The following DCAF6 variants were observed in gnomAD, a reference collection of about 807,000 sequenced individuals.
The protein encoded by DCAF6 is DDB1- and CUL4-associated factor 6.
A neutral mutation model predicts 125.1 loss-of-function variants in DCAF6; 54 were observed. That is an observed-to-expected ratio of 0.43 (90% CI 0.35 to 0.54). The LOEUF is 0.54. Among genes scored for constraint, DCAF6 ranks in the 20% least tolerant of loss-of-function variants. The pLI is 0.01. For synonymous variants in DCAF6, 371 were observed against 390.4 expected (o/e 0.95, Z 0.58); for missense variants, 934 against 1,161.7 (o/e 0.80, Z 2.85).
intron 2 of DCAF6, among the ~76,000 whole-genome samples, chr1:167,961,854 A>G (rs1294223565): frequency 1.3e-5 from 2 of 152,186 alleles, no homozygotes; most frequent in African/African-American, 4.8e-5. Context: ...ATGCTGTAAA[A>G]TTTCCTCTGA....
At chr1:167,907,390 C>T in the DCAF6 span, among the ~76,000 whole-genome samples, 1 of 152,194 alleles carries the variant, frequency 6.6e-6, no homozygotes, top group Non-Finnish European at 1.5e-5. Context: ...CTACATGTCC[C>T]TTGTGGGTTG....
intron 12 of DCAF6, among the ~76,000 whole-genome samples, chr1:168,034,560 G>C (rs565269833): frequency 6.6e-6 from 1 of 152,110 alleles, no homozygotes; most frequent in African/African-American, 2.4e-5. Context: ...AAAAAATTAA[G>C]CTTATTGTTT....
At position 168,002,466 on chromosome 1, in the gene DCAF6, C is replaced by A; in HGVS notation, c.904-16C>A. 6.2e-7 allele frequency: 1 copy of A among 1,609,082 alleles called. No homozygotes were observed. Among genetic ancestry groups the A allele is most frequent in the Non-Finnish European group, 8.5e-7 (1 of 1,176,104 alleles). On this transcript the variant is annotated splice_polypyrimidine_tract_variant and intron_variant, in intron 7 of 21. Coordinates refer to ENST00000367840, the MANE Select transcript of DCAF6 (RefSeq NM_001198956.2). ...GTTTTAGACTTACATAGAATTTACC[C>A]GTTCTTATTTTTTAGTTGCGACAAC... is the stretch of plus-strand genomic sequence containing the variant.
chr1:167,995,912 T>C (rs1681608002), intron 7 of DCAF6, among the ~76,000 whole-genome samples: 1 of 152,122 alleles, frequency 6.6e-6, no homozygotes, highest in South Asian at 2.1e-4. Flanking sequence ...AAAGACATGA[T>C]CTCTTACTTA....
At chr1:167,907,734 T>C in the DCAF6 span, among the ~76,000 whole-genome samples, 1 of 152,234 alleles carries the variant, frequency 6.6e-6, no homozygotes, top group Non-Finnish European at 1.5e-5. Context: ...TTTCCTATTT[T>C]GGAAGAGTTA....
At chr1:168,012,773 A>G (rs552295677) in intron 10 of DCAF6, among the ~76,000 whole-genome samples, 1 of 152,204 alleles carries the variant, frequency 6.6e-6, no homozygotes, top group East Asian at 1.9e-4. Context: ...AGCAGCTTTC[A>G]AAGCAGATAA....
intron 4 of DCAF6, among the ~76,000 whole-genome samples, chr1:167,982,238 A>G (rs940514740): frequency 9.3e-5 from 14 of 151,258 alleles, no homozygotes; most frequent in African/African-American, 3.4e-4. Context: ...TGCTTGTTTA[A>G]TTTTTTAAGT....
the DCAF6 span, chr1:167,904,767 C>T: frequency 8.0e-6 from 5 of 628,360 alleles, no homozygotes; most frequent in East Asian, 1.4e-4. Context: ...GGGACTTGAG[C>T]ATGTTAAAGA....
intron 3 of DCAF6, chr1:167,968,438 A>G (rs182579754): frequency 1.3e-5 from 2 of 152,424 alleles, no homozygotes; most frequent in East Asian, 1.9e-4. Flanking sequence ...ATGTCATGCT[A>G]GTGTAACTTG....
chr1:167,992,283 A>AC (rs1491324846), intron 6 of DCAF6, among the ~76,000 whole-genome samples: 21 of 121,152 alleles, frequency 1.7e-4, no homozygotes, highest in Admixed American at 4.7e-4. Context: ...ACACACACAC[A>AC]AACACCGAAT....
chr1:167,970,751 A>G (rs529713899), intron 3 of DCAF6, among the ~76,000 whole-genome samples: 3 of 152,264 alleles, frequency 2.0e-5, no homozygotes, highest in Non-Finnish European at 4.4e-5. Context: ...TTATAGTTTG[A>G]TTATTTTTAG....
At chr1:168,050,739 A>G (rs1432142733) in intron 16 of DCAF6, among the ~76,000 whole-genome samples, 153 bp from the exon 17 acceptor site, 1 of 152,168 alleles carries the variant, frequency 6.6e-6, no homozygotes, top group East Asian at 1.9e-4. Context: ...TGACTGACAT[A>G]TTCCTTGCTT....
At chr1:167,916,475 C>T in the DCAF6 span, among the ~76,000 whole-genome samples, 147 of 151,974 alleles carry the variant, frequency 9.7e-4, no homozygotes, top group Middle Eastern at 6.8e-3. Flanking sequence ...CCAAAGTGCT[C>T]GGATTACAGG....
At position 167,938,503 on chromosome 1, in the gene DCAF6, G is replaced by C. The variant is rs149390365; in HGVS notation, c.97+1495G>C. Among the ~76,000 whole-genome samples the C allele has an allele frequency of 3.0e-3, 454 of 152,274 alleles. 2 individuals carry two copies. The highest frequency in any genetic ancestry group is 4.9e-3 in the Non-Finnish European group (335 of 68,030). On this transcript the variant is annotated intron_variant, in intron 1 of 21. Transcript: ENST00000367840. ...AATGAACATCATTCTACAAGCTTCTGTGCATTTGTTGTAGGATAAGTACCT... is the reference window on the plus strand; with the variant it reads ...AATGAACATCATTCTACAAGCTTCTCTGCATTTGTTGTAGGATAAGTACCT...
chr1:167,921,879 T>G, the DCAF6 span, among the ~76,000 whole-genome samples: 1 of 152,186 alleles, frequency 6.6e-6, no homozygotes, highest in East Asian at 1.9e-4. Flanking sequence ...ATCCTTTAGG[T>G]TAAAATAAAA....
At chr1:168,061,821 G>GA (rs558561000) in intron 17 of DCAF6, among the ~76,000 whole-genome samples, 6 of 151,934 alleles carry the variant, frequency 3.9e-5, no homozygotes, top group Admixed American at 2.0e-4. Flanking sequence ...AGCCACTTTG[G>GA]AAAACCACAA....
At chr1:167,885,803 AC>A in the DCAF6 span, among the ~76,000 whole-genome samples, 21 of 151,936 alleles carry the variant, frequency 1.4e-4, no homozygotes, top group Non-Finnish European at 7.4e-5. Context: ...TTTAGTAGAG[AC>A]GGGGTTTCAC....
intron 6 of DCAF6, among the ~76,000 whole-genome samples, chr1:167,992,140 A>C (rs773639274): frequency 4.0e-5 from 6 of 151,470 alleles, no homozygotes; most frequent in Non-Finnish European, 5.9e-5. Context: ...ATTTGAATCT[A>C]ATATAAACTA....
the DCAF6 span, among the ~76,000 whole-genome samples, chr1:167,906,296 A>C: frequency 1.3e-5 from 2 of 152,118 alleles, no homozygotes; most frequent in African/African-American, 4.8e-5. Flanking sequence ...GATAACCTTT[A>C]AAAGGAAAAG....
Sources: gnomAD v4.1 joint callset for allele counts (sites outside exome capture counted in the v4.1 genomes callset) on GRCh38, gnomAD v4.1.1 for gene constraint, MANE v1.5 for transcripts, NCBI Gene and HGNC (gene_info 2026-07-23, HGNC 2026-07-21) for gene names.